IGF1R: variants seen among roughly 807,000 people sequenced by gnomAD.
The protein encoded by IGF1R is insulin like growth factor 1 receptor.
A neutral mutation model predicts 144.6 loss-of-function variants in IGF1R; 44 were observed. The observed-to-expected ratio is 0.30, with a 90% CI of 0.24 to 0.39. The LOEUF (loss-of-function observed/expected upper bound fraction) is 0.39, where lower values mean the gene tolerates loss of function less well. Ranked by LOEUF, IGF1R falls within the 10% of genes least tolerant of loss-of-function variation. The pLI is 1.00. For missense variants in IGF1R, 1,355 were observed against 1,833.7 expected (o/e 0.74, Z 4.77); for synonymous variants, 795 against 722.8 (o/e 1.10, Z -1.60).
At chr15:98,670,733 T>A (rs2052866919) in intron 1 of IGF1R, among the ~76,000 whole-genome samples, 1 of 152,182 alleles carries the variant, frequency 6.6e-6, no homozygotes. Context: ...TATGGCAGAT[T>A]TACTTAGAAG....
intron 3 of IGF1R, among the ~76,000 whole-genome samples, chr15:98,892,667 C>G (rs2013987276): frequency 6.6e-6 from 1 of 151,984 alleles, no homozygotes; most frequent in South Asian, 2.1e-4. Context: ...AATGTGATAA[C>G]TATAACTTTG....
At chr15:98,888,084 A>T (rs1255491525) in intron 2 of IGF1R, among the ~76,000 whole-genome samples, 1 of 152,062 alleles carries the variant, frequency 6.6e-6, no homozygotes, top group African/African-American at 2.4e-5. Context: ...TCCCTTGCTC[A>T]TCTTTCCACT....
chr15:98,880,661 T>C (rs2013325356), intron 2 of IGF1R: 1 of 152,224 alleles, frequency 6.6e-6, no homozygotes, highest in African/African-American at 2.4e-5. Flanking sequence ...TTCTTTAATT[T>C]CACAAGCTTG....
rs1447955598 is a variant in IGF1R at position 98,836,430 on chromosome 15, G to C, written c.641-54895G>C. Among the ~76,000 whole-genome samples the C allele has an allele frequency of 2.0e-5, 3 of 151,436 alleles. No homozygotes were observed. In the East Asian group the frequency reaches 5.8e-4, roughly 29 times the overall value. On this transcript the variant is annotated intron_variant, in intron 2 of 20. Transcript: ENST00000650285. ...AGCTACTTGGGAGGCTGAGGTGGGA[G>C]GATCGCATGAGCCAGGAGTTCCAGG...
chr15:98,947,007 G>A (rs907452409), intron 19 of IGF1R, among the ~76,000 whole-genome samples: 1 of 152,182 alleles, frequency 6.6e-6, no homozygotes, highest in African/African-American at 2.4e-5. Flanking sequence ...AGATGTGTGG[G>A]TACTACTGCC....
chr15:98,673,975 A>G (rs2052966080), intron 1 of IGF1R, among the ~76,000 whole-genome samples: 1 of 152,216 alleles, frequency 6.6e-6, no homozygotes, highest in Non-Finnish European at 1.5e-5. Context: ...TTGTCTAGAG[A>G]AGCTGTCTTA....
At chr15:98,651,419 T>C (rs2052363931) in intron 1 of IGF1R, among the ~76,000 whole-genome samples, 1 of 152,212 alleles carries the variant, frequency 6.6e-6, no homozygotes, top group Non-Finnish European at 1.5e-5. Flanking sequence ...CTCCCTTTAC[T>C]AAGTCGTTTA....
intron 2 of IGF1R, among the ~76,000 whole-genome samples, chr15:98,727,843 C>T (rs2054398412): frequency 6.6e-6 from 1 of 152,112 alleles, no homozygotes; most frequent in Admixed American, 6.5e-5. Context: ...TGCGCTGTCA[C>T]CCCGAAGGAA....
chr15:98,934,930 G>A lies in IGF1R; in HGVS notation c.3063G>A (p.Val1021=), dbSNP rs1211240964. ...TCTATGAAGGAGTTGCCAAGGGTGTGGTGAAAGATGAACCTGAAACCAGAG... is the reference window on the plus strand; with the variant it reads ...TCTATGAAGGAGTTGCCAAGGGTGTAGTGAAAGATGAACCTGAAACCAGAG... The part of the protein sequence containing the change: ...GMVYEGVAKG[V]VKDEPETRVA... The change falls in exon 16 of 21, where the codon GTG becomes GTA. Residue 1021 remains valine, a synonymous_variant. Transcript: ENST00000650285. 10 of 1,613,998 alleles carry A rather than the reference G, an allele frequency of 6.2e-6. No homozygotes were observed. The highest frequency in any genetic ancestry group is 8.5e-6 in the Non-Finnish European group (10 of 1,180,030).
chr15:98,664,687 T>A (rs2052686253), intron 1 of IGF1R, among the ~76,000 whole-genome samples: 1 of 109,654 alleles, frequency 9.1e-6, no homozygotes, highest in Non-Finnish European at 1.7e-5. Context: ...TGAGACTCCA[T>A]GTCAAAAAAA....
rs45578132 is a variant in IGF1R at position 98,924,541 on chromosome 15, T to C, written c.2639T>C (p.Val880Ala). 6.2e-7 allele frequency: 1 copy of C among 1,614,142 alleles called. No individual in the cohort carries two copies. Among genetic ancestry groups the C allele is most frequent in the Admixed American group, 1.7e-5 (1 of 60,020 alleles). ...TTTCCCCAGGATCAGCGAGAATGTG[T>C]GTCCAGACAGGAATACAGGAAGTAT... The part of the protein sequence containing the change: ...GSQVEDQREC[V>A]SRQEYRKYGG... Residue 880 changes from valine (V) to alanine (A), a missense_variant, in exon 13 of 21, where the codon GTG becomes GCG. Physicochemically the swap from Val to Ala is moderately conservative, Grantham distance 64. Coordinates refer to ENST00000650285, the MANE Select transcript of IGF1R (RefSeq NM_000875.5).
At chr15:98,741,200 G>A (rs757338794) in intron 2 of IGF1R, among the ~76,000 whole-genome samples, 5 of 127,252 alleles carry the variant, frequency 3.9e-5, no homozygotes, top group African/African-American at 1.2e-4. Context: ...CTCCATTGCA[G>A]TTCTGTTGAT....
At chr15:98,679,147 C>G (rs1355799160) in intron 1 of IGF1R, among the ~76,000 whole-genome samples, 1 of 151,980 alleles carries the variant, frequency 6.6e-6, no homozygotes, top group Admixed American at 6.6e-5. Flanking sequence ...ATCAAGCGAC[C>G]CTCCTCCCTT....
At chr15:98,651,008 T>C (rs574499318) in intron 1 of IGF1R, 2 of 985,220 alleles carry the variant, frequency 2.0e-6, no homozygotes, top group South Asian at 4.7e-5. Context: ...ACATTCAAGA[T>C]GGTAGGGTAA....
At chr15:98,876,146 GT>G (rs540510970) in intron 2 of IGF1R, among the ~76,000 whole-genome samples, 1 of 152,140 alleles carries the variant, frequency 6.6e-6, no homozygotes, top group Non-Finnish European at 1.5e-5. Flanking sequence ...ACTCCCAGAT[GT>G]TTCCTAATTA....
chr15:98,836,189 T>TC (rs966655582), intron 2 of IGF1R, among the ~76,000 whole-genome samples: 10 of 151,916 alleles, frequency 6.6e-5, no homozygotes, highest in Non-Finnish European at 1.3e-4. Context: ...ATTTTTTTTT[T>TC]TCTCTCTCTC....
chr15:98,898,972 T>TTG (rs2014338431), intron 4 of IGF1R, among the ~76,000 whole-genome samples: 1 of 152,248 alleles, frequency 6.6e-6, no homozygotes, highest in Non-Finnish European at 1.5e-5. Context: ...TAGATAGCCA[T>TTG]TGTTAACATT....
chr15:98,827,072 G>A (rs2056907752), intron 2 of IGF1R, among the ~76,000 whole-genome samples: 1 of 152,162 alleles, frequency 6.6e-6, no homozygotes, highest in African/African-American at 2.4e-5. Flanking sequence ...TGAGTACCGA[G>A]AATAAACCAT....
At chr15:98,888,077 C>G (rs1309694157) in intron 2 of IGF1R, among the ~76,000 whole-genome samples, 1 of 152,192 alleles carries the variant, frequency 6.6e-6, no homozygotes, top group Non-Finnish European at 1.5e-5. Flanking sequence ...TTATTCCTCC[C>G]TTGCTCATCT....
Sources: gnomAD v4.1 joint callset for allele counts (sites outside exome capture counted in the v4.1 genomes callset) on GRCh38, gnomAD v4.1.1 for gene constraint, MANE v1.5 for transcripts, NCBI Gene and HGNC (gene_info 2026-07-23, HGNC 2026-07-21) for gene names.